Variants in CTNNA3 observed in about 807,000 individuals in gnomAD.
CTNNA3 encodes the protein catenin alpha 3, also known as catenin alpha-3.
A neutral mutation model predicts 95.7 loss-of-function variants in CTNNA3; 76 were observed. The ratio of observed to expected loss-of-function variants is 0.79; its 90% CI spans 0.66 to 0.96. The LOEUF (loss-of-function observed/expected upper bound fraction) is 0.96. Among genes scored for constraint, CTNNA3 ranks in the 40% least tolerant of loss-of-function variants. The probability of loss-of-function intolerance (pLI) is 0.00; values close to 1 mark genes in which losing one functional copy is unlikely to be tolerated. For missense variants in CTNNA3, 1,191 were observed against 1,089.8 expected, an observed-to-expected ratio of 1.09 and a Z score of -1.31; for synonymous variants, 431 against 374.4, an observed-to-expected ratio of 1.15 and a Z score of -1.74.
At position 65,912,840 on chromosome 10, in the gene CTNNA3, A is replaced by G. The variant is rs1279733607; in HGVS notation, c.*7490T>C. On this transcript the variant is annotated 3_prime_UTR_variant, in exon 18 of 18. Transcript: ENST00000433211. Reference sequence around the variant, plus strand: ...ATTTCATTTTTATTGATTGGCAAAAATACTTTAAGGATAAATATGGACCAG... The same window carrying G: ...ATTTCATTTTTATTGATTGGCAAAAGTACTTTAAGGATAAATATGGACCAG... 1.3e-5 allele frequency: 2 copies of G among 152,170 alleles called. No homozygotes were observed. The highest frequency in any genetic ancestry group is 2.9e-5 in the Non-Finnish European group (2 of 68,026). The allele number at this position is 152,170 out of a possible 1,614,324, so 9.4% of individuals were successfully genotyped here.
At chr10:67,192,660 A>G (rs565921253) in intron 6 of CTNNA3, among the ~76,000 whole-genome samples, 10 of 152,138 alleles carry the variant, frequency 6.6e-5, no homozygotes, top group African/African-American at 1.9e-4. Flanking sequence ...GTGGGAATGT[A>G]AATTGATACA....
At chr10:66,257,418 T>G (rs1369794936) in intron 13 of CTNNA3, among the ~76,000 whole-genome samples, 1 of 152,342 alleles carries the variant, frequency 6.6e-6, no homozygotes, top group South Asian at 2.1e-4. Context: ...CTTTTAGTCG[T>G]GCCAAGCTGC....
intron 12 of CTNNA3, among the ~76,000 whole-genome samples, chr10:66,318,882 A>G (rs1293301137): frequency 3.3e-5 from 5 of 151,886 alleles, no homozygotes; most frequent in African/African-American, 1.2e-4. Flanking sequence ...TGGTATTTCA[A>G]CTTCACATCA....
intron 7 of CTNNA3, among the ~76,000 whole-genome samples, chr10:67,085,600 TA>T (rs1238321082): frequency 6.6e-6 from 1 of 152,028 alleles, no homozygotes; most frequent in East Asian, 1.9e-4. Flanking sequence ...TTGTCAGACT[TA>T]CTTTTAAAGT....
At chr10:66,794,485 T>C (rs1306142144) in intron 7 of CTNNA3, among the ~76,000 whole-genome samples, 1 of 152,156 alleles carries the variant, frequency 6.6e-6, no homozygotes, top group Non-Finnish European at 1.5e-5. Context: ...AAAATGTACA[T>C]ACCTTAATTT....
chr10:66,347,545 TAGAGGCCACAGTAAG>T (rs2092532838), intron 12 of CTNNA3, among the ~76,000 whole-genome samples: 4 of 151,742 alleles, frequency 2.6e-5, no homozygotes, highest in Non-Finnish European at 5.9e-5. Context: ...GCCCAGAAGG[TAGAGGCCACAGTAAG>T]CTGTGATCCT....
chr10:65,992,776 TA>T (rs1446659148), intron 15 of CTNNA3, among the ~76,000 whole-genome samples: 1 of 152,144 alleles, frequency 6.6e-6, no homozygotes, highest in Non-Finnish European at 1.5e-5. Flanking sequence ...TTTCTTCTAC[TA>T]ATTCTGGATT....
rs903633541 is a variant in CTNNA3 at position 67,340,175 on chromosome 10, A to C, written c.580-120305T>G. 2.0e-5 allele frequency among the ~76,000 whole-genome samples: 3 copies of C among 152,196 alleles called. No individual in the cohort carries two copies. In the South Asian group the frequency reaches 6.2e-4, roughly 31 times the overall value. ...TACAAATAAAATATAATACCTAACAAGGGCAGGAGGAAGGAGGAGGGATTT... is the reference window on the plus strand; with the variant it reads ...TACAAATAAAATATAATACCTAACACGGGCAGGAGGAAGGAGGAGGGATTT... On this transcript the variant is annotated intron_variant, in intron 5 of 17. Coordinates refer to ENST00000433211, the MANE Select transcript of CTNNA3 (RefSeq NM_013266.4).
intron 4 of CTNNA3, among the ~76,000 whole-genome samples, chr10:67,525,171 A>G (rs946348555): frequency 6.6e-6 from 1 of 150,836 alleles, no homozygotes; most frequent in African/African-American, 2.4e-5. Context: ...TTTTTTTTTA[A>G]CTCGTTATAA....
At chr10:67,422,421 C>T (rs1329726972) in intron 5 of CTNNA3, among the ~76,000 whole-genome samples, 8 of 152,120 alleles carry the variant, frequency 5.3e-5, no homozygotes. Context: ...ATTAATGAAT[C>T]TGAGTAAAAT....
chr10:66,801,585 A>T (rs1231947645), intron 7 of CTNNA3, among the ~76,000 whole-genome samples: 1 of 151,636 alleles, frequency 6.6e-6, no homozygotes, highest in African/African-American at 2.4e-5. Flanking sequence ...AAACTATGAA[A>T]TATTTTTGAG....
chr10:66,298,825 T>C (rs2091820622), intron 12 of CTNNA3, among the ~76,000 whole-genome samples: 1 of 152,188 alleles, frequency 6.6e-6, no homozygotes, highest in African/African-American at 2.4e-5. Flanking sequence ...TAGTGTTACA[T>C]ATTGTTCAGA....
intron 13 of CTNNA3, among the ~76,000 whole-genome samples, chr10:66,278,349 T>C (rs1046994030): frequency 6.6e-6 from 1 of 151,778 alleles, no homozygotes; most frequent in Admixed American, 6.6e-5. Flanking sequence ...GAATGTATTC[T>C]TGATAGTCTC....
intron 5 of CTNNA3, among the ~76,000 whole-genome samples, chr10:67,350,744 G>A (rs1842601570): frequency 6.6e-6 from 1 of 151,584 alleles, no homozygotes; most frequent in South Asian, 2.1e-4. Flanking sequence ...ATAGGTTGCT[G>A]ATGAGAATAG....
intron 7 of CTNNA3, among the ~76,000 whole-genome samples, chr10:67,143,971 A>G (rs761303750): frequency 6.6e-6 from 1 of 152,240 alleles, no homozygotes; most frequent in Non-Finnish European, 1.5e-5. Flanking sequence ...CACCATCTAC[A>G]GCGAGTATCG....
In CTNNA3 at chr10:66,039,078, A is replaced by G. The variant is rs140515509; in HGVS notation, c.2159+30230T>C. 6.5e-4 allele frequency among the ~76,000 whole-genome samples: 99 copies of G among 152,324 alleles called. 1 individual carries two copies. Among genetic ancestry groups the G allele is most frequent in the African/African-American group, 2.3e-3 (96 of 41,578 alleles). ...CATATAAAATCAATGTACAAAAATC[A>G]CTAGCATTCTTACACACCAACAACA... is the stretch of plus-strand genomic sequence containing the variant. On this transcript the variant is annotated intron_variant, in intron 15 of 17. Transcript: ENST00000433211.
At chr10:67,761,827 G>A (rs934822600) in intron 1 of CTNNA3, among the ~76,000 whole-genome samples, 1 of 150,504 alleles carries the variant, frequency 6.6e-6, no homozygotes, top group Non-Finnish European at 1.5e-5. Context: ...GCAGTGAGCC[G>A]AGATCGCACC....
At chr10:67,228,793 C>G (rs572389100) in intron 5 of CTNNA3, among the ~76,000 whole-genome samples, 4 of 152,056 alleles carry the variant, frequency 2.6e-5, no homozygotes, top group Non-Finnish European at 4.4e-5. Context: ...ATACCCTGAA[C>G]AGACCAATAA....
At chr10:67,529,141 T>C (rs187450167) in intron 4 of CTNNA3, among the ~76,000 whole-genome samples, 234 of 152,208 alleles carry the variant, frequency 1.5e-3, no homozygotes, top group African/African-American at 5.3e-3. Context: ...TAAATATATA[T>C]AATTTTTACT....
Sources: allele counts gnomAD v4.1 joint callset (sites outside exome capture counted in the v4.1 genomes callset), GRCh38; gene constraint gnomAD v4.1.1; transcripts MANE v1.5; gene names NCBI Gene and HGNC (gene_info 2026-07-23, HGNC 2026-07-21).